ADARB1: variants seen among roughly 807,000 people sequenced by gnomAD.
ADARB1 encodes the protein adenosine deaminase RNA specific B1, also known as double-stranded RNA-specific editase 1.
ADARB1 carries 10 observed loss-of-function variants against 52.4 expected under a neutral mutation model. The observed-to-expected ratio is 0.19, with a 90% CI of 0.12 to 0.32. The LOEUF is 0.32. Among genes scored for constraint, ADARB1 ranks in the 10% least tolerant of loss-of-function variants. The probability of loss-of-function intolerance (pLI) is 1.00; values close to 1 mark genes in which losing one functional copy is unlikely to be tolerated. For missense variants in ADARB1, 643 were observed against 922.3 expected (o/e 0.70, Z 3.92); for synonymous variants, 349 against 371.1 (o/e 0.94, Z 0.68).
intron 2 of ADARB1, among the ~76,000 whole-genome samples, chr21:45,160,536 C>T (rs541499400): frequency 6.6e-6 from 1 of 152,348 alleles, no homozygotes; most frequent in South Asian, 2.1e-4. Flanking sequence ...TTTTAAAATA[C>T]TTCCAGTTGC....
chr21:45,115,767 T>C (rs1382766027), intron 1 of ADARB1, among the ~76,000 whole-genome samples: 1 of 152,222 alleles, frequency 6.6e-6, no homozygotes, highest in Non-Finnish European at 1.5e-5. Context: ...AAGGAATTAT[T>C]CACTTGCTCT....
intron 2 of ADARB1, among the ~76,000 whole-genome samples, chr21:45,147,673 TGCA>T (rs2090073167): frequency 6.6e-6 from 1 of 152,244 alleles, no homozygotes; most frequent in African/African-American, 2.4e-5. Flanking sequence ...GAGGGGCTCC[TGCA>T]GCCGGGCTGG....
chr21:45,169,305 G>A (rs186708075), intron 2 of ADARB1, among the ~76,000 whole-genome samples: 2 of 152,362 alleles, frequency 1.3e-5, no homozygotes, highest in Admixed American at 6.5e-5. Flanking sequence ...CGGGTGGGGC[G>A]TGGTTGAGGT....
chr21:45,159,591 C>T (rs1178386887), intron 2 of ADARB1, among the ~76,000 whole-genome samples: 1 of 152,178 alleles, frequency 6.6e-6, no homozygotes, highest in Non-Finnish European at 1.5e-5. Flanking sequence ...CTTACTTCTG[C>T]CTTGGAGGAT....
intron 8 of ADARB1, among the ~76,000 whole-genome samples, chr21:45,201,191 T>C (rs2838808): frequency 0.26 from 39,189 of 152,086 alleles, 5,994 homozygotes; most frequent in South Asian, 0.42. Context: ...TTGTTTTATT[T>C]GCATGGACGC....
chr21:45,101,080 C>G (rs1342157085), intron 1 of ADARB1: 1 of 152,584 alleles, frequency 6.6e-6, no homozygotes, highest in Non-Finnish European at 1.5e-5. Flanking sequence ...GTAGCAGTGC[C>G]GCGGCGGCGG....
rs1366144649 is a variant in ADARB1, at chr21:45,222,683, G to C, written c.*486G>C. On this transcript the variant is annotated 3_prime_UTR_variant, in exon 11 of 11. Transcript: ENST00000348831. ...AAGCATCTATATATGGAGGAGGGTGGGAAAATAGAGGTAGGAAATAGTAGC... is the reference window on the plus strand; with the variant it reads ...AAGCATCTATATATGGAGGAGGGTGCGAAAATAGAGGTAGGAAATAGTAGC... 1.0e-6 allele frequency: 1 copy of C among 986,448 alleles called. No homozygotes were observed. The highest frequency in any genetic ancestry group is 1.2e-6 in the Non-Finnish European group (1 of 830,848). 61.1% of individuals were successfully genotyped at this position (986,448 alleles called of 1,614,324 possible). A position where few individuals can be genotyped will look rare whatever the true frequency, so the allele number is the denominator to read the frequency against.
intron 1 of ADARB1, among the ~76,000 whole-genome samples, chr21:45,121,294 TC>T (rs1295382398): frequency 6.6e-6 from 1 of 152,262 alleles, no homozygotes; most frequent in Non-Finnish European, 1.5e-5. Flanking sequence ...CTGGAATGTG[TC>T]CCTTAGGATT....
chr21:45,175,781 C>A lies in ADARB1; in HGVS notation c.80C>A (p.Pro27His), dbSNP rs749956447. 4 of 1,614,044 alleles carry A rather than the reference C, an allele frequency of 2.5e-6. No individual in the cohort carries two copies. The Admixed American group carries it at 6.7e-5, about 27-fold the overall frequency. Reference protein sequence around the residue: ...KENRNLDNVSPKDGSTPGPGE... With the variant: ...KENRNLDNVSHKDGSTPGPGE... Reference sequence around the variant, plus strand: ...AACCGCAATCTGGACAACGTGTCCCCCAAGGATGGCAGCACACCTGGGCCT... The same window carrying A: ...AACCGCAATCTGGACAACGTGTCCCACAAGGATGGCAGCACACCTGGGCCT... Residue 27 changes from proline to histidine, a missense_variant, in exon 4 of 11, where the codon CCC becomes CAC. Coordinates refer to ENST00000348831, the MANE Select transcript of ADARB1 (RefSeq NM_001112.4).
intron 2 of ADARB1, among the ~76,000 whole-genome samples, chr21:45,135,856 C>T (rs749515542): frequency 6.6e-6 from 1 of 152,210 alleles, no homozygotes; most frequent in African/African-American, 2.4e-5. Flanking sequence ...GGAGACTGTG[C>T]TGCCCCTCAC....
chr21:45,190,591 C>T (rs1250948239), intron 8 of ADARB1, among the ~76,000 whole-genome samples: 2 of 152,034 alleles, frequency 1.3e-5, no homozygotes, highest in African/African-American at 2.4e-5. Flanking sequence ...TGTGTACTGG[C>T]TGTGTACAGA....
chr21:45,175,720 G>A lies in ADARB1; in HGVS notation c.29-10G>A. 6.2e-7 allele frequency: 1 copy of A among 1,612,736 alleles called. No homozygotes were observed. The highest frequency in any genetic ancestry group is 8.5e-7 in the Non-Finnish European group (1 of 1,179,546). On this transcript the variant is annotated splice_polypyrimidine_tract_variant and intron_variant, in intron 3 of 10. Transcript: ENST00000348831. The stretch of plus-strand genomic sequence containing the variant: ...AAGGCATTGTAAGTTACTCTTTCTG[G>A]GCACCACAGGTTCCAGCAGCACTGA...
At chr21:45,156,170 T>TGC (rs2090594551) in intron 2 of ADARB1, among the ~76,000 whole-genome samples, 1 of 137,874 alleles carries the variant, frequency 7.3e-6, no homozygotes, top group African/African-American at 2.8e-5. Flanking sequence ...CATCCATCCA[T>TGC]CCACCTACCC....
At chr21:45,186,325 A>G (rs1369689846) in intron 8 of ADARB1, among the ~76,000 whole-genome samples, 1 of 152,176 alleles carries the variant, frequency 6.6e-6, no homozygotes, top group Non-Finnish European at 1.5e-5. Context: ...CATTTCCTTC[A>G]TGATGGGACA....
intron 1 of ADARB1, among the ~76,000 whole-genome samples, chr21:45,079,213 T>C (rs2086059848): frequency 6.6e-6 from 1 of 152,248 alleles, no homozygotes; most frequent in Non-Finnish European, 1.5e-5. Context: ...TTTCTTATGC[T>C]GCTAACAAAG....
At chr21:45,156,041 A>C (rs2090574224) in intron 2 of ADARB1, among the ~76,000 whole-genome samples, 1 of 135,356 alleles carries the variant, frequency 7.4e-6, no homozygotes, top group African/African-American at 2.9e-5. Flanking sequence ...TCATCCACCC[A>C]CCCAACCACC....
intron 2 of ADARB1, among the ~76,000 whole-genome samples, chr21:45,163,400 G>C (rs1408328902): frequency 6.6e-6 from 1 of 152,232 alleles, no homozygotes; most frequent in Non-Finnish European, 1.5e-5. Context: ...GCTGAGAGCT[G>C]TGGACACTGA....
chr21:45,129,143 C>G (rs1316264946), intron 2 of ADARB1, among the ~76,000 whole-genome samples: 1 of 151,852 alleles, frequency 6.6e-6, no homozygotes, highest in Non-Finnish European at 1.5e-5. Flanking sequence ...GCAGGAGAAT[C>G]GCTTGAACCC....
At chr21:45,147,075 C>G (rs1029167959) in intron 2 of ADARB1, among the ~76,000 whole-genome samples, 1 of 152,192 alleles carries the variant, frequency 6.6e-6, no homozygotes, top group Non-Finnish European at 1.5e-5. Context: ...TAGGTCTTCT[C>G]AGCCAGATCA....
Sources: allele counts gnomAD v4.1 joint callset (sites outside exome capture counted in the v4.1 genomes callset), GRCh38; gene constraint gnomAD v4.1.1; transcripts MANE v1.5; gene names NCBI Gene and HGNC (gene_info 2026-07-23, HGNC 2026-07-21).